The following TESK2 variants were observed in gnomAD, a reference collection of about 807,000 sequenced individuals.
TESK2 encodes the protein testis associated actin remodelling kinase 2.
In TESK2, 39 loss-of-function variants were observed where a neutral mutation model predicts 57.1. That is an observed-to-expected ratio of 0.68 (90% CI 0.53 to 0.89). The LOEUF is 0.89. Ranked by LOEUF, TESK2 falls within the 40% of genes least tolerant of loss-of-function variation. The pLI, the probability that TESK2 is intolerant of heterozygous loss-of-function variation, is 0.00. For missense variants in TESK2, 646 were observed against 732.1 expected (o/e 0.88, Z 1.36); for synonymous variants, 249 against 267.9 (o/e 0.93, Z 0.69).
At chr1:45,488,368 T>A (rs1653571683) in intron 1 of TESK2, among the ~76,000 whole-genome samples, 1 of 152,222 alleles carries the variant, frequency 6.6e-6, no homozygotes, top group African/African-American at 2.4e-5. Flanking sequence ...TAAGGCCATC[T>A]GTTAAACTCC....
intron 3 of TESK2, among the ~76,000 whole-genome samples, chr1:45,404,591 T>G (rs1348296345): frequency 6.6e-6 from 1 of 151,440 alleles, no homozygotes; most frequent in Non-Finnish European, 1.5e-5. Flanking sequence ...TCACCCAGGC[T>G]GGATTGCAGT....
chr1:45,467,315 A>T (rs1212772988), intron 1 of TESK2, among the ~76,000 whole-genome samples: 1 of 151,994 alleles, frequency 6.6e-6, no homozygotes, highest in East Asian at 1.9e-4. Flanking sequence ...TCTGCATTTA[A>T]ATTTTTTTAA....
intron 4 of TESK2, among the ~76,000 whole-genome samples, chr1:45,361,821 T>C (rs892301984): frequency 6.6e-6 from 1 of 152,186 alleles, no homozygotes; most frequent in Non-Finnish European, 1.5e-5. Context: ...CTCCCCCTAC[T>C]GCCACTTCCA....
In TESK2 at chr1:45,347,676, A is replaced by C. The variant is rs976240379; in HGVS notation, c.641T>G (p.Leu214Arg). The C allele has an allele frequency of 7.4e-6, 12 of 1,614,194 alleles. No homozygotes were observed. The highest frequency in any genetic ancestry group is 9.3e-6 in the Non-Finnish European group (11 of 1,180,020). Residue 214 changes from leucine (L) to arginine (R), a missense_variant, in exon 7 of 11, where the codon CTG becomes CGG. Physicochemically the swap from Leu to Arg is moderately radical, Grantham distance 102 (BLOSUM62 -2). Transcript: ENST00000372086. ...IPDVSMGSEKLAVVGSPFWMA... is the reference protein window; with the variant it reads ...IPDVSMGSEKRAVVGSPFWMA... ...CCAGAATGGGGAACCCACCACGGCC[A>C]GCTTCTCACTCCCCATGCTGTGGGG...
chr1:45,348,078 C>T, intron 5 of TESK2, 78 bp from the exon 6 acceptor site: 2 of 975,290 alleles, frequency 2.1e-6, no homozygotes, highest in Non-Finnish European at 3.3e-6. Flanking sequence ...CCCATTCCCC[C>T]CTTCCTATCA....
chr1:45,359,590 G>A (rs1335458213), intron 4 of TESK2, among the ~76,000 whole-genome samples: 3 of 151,226 alleles, frequency 2.0e-5, no homozygotes, highest in African/African-American at 4.9e-5. Context: ...TTGGCCAGGC[G>A]AGATGGCTCA....
At chr1:45,377,347 C>T (rs958715499) in intron 4 of TESK2, among the ~76,000 whole-genome samples, 3 of 150,094 alleles carry the variant, frequency 2.0e-5, no homozygotes, top group Non-Finnish European at 3.0e-5. Context: ...GACGGCGGAC[C>T]GATTAAATTC....
At chr1:45,430,484 C>A (rs1263821383) in intron 2 of TESK2, among the ~76,000 whole-genome samples, 1 of 152,128 alleles carries the variant, frequency 6.6e-6, no homozygotes, top group East Asian at 1.9e-4. Flanking sequence ...CAGTGAGACC[C>A]TATCTAAAAC....
At chr1:45,460,991 T>C (rs1652308410) in intron 1 of TESK2, among the ~76,000 whole-genome samples, 1 of 152,106 alleles carries the variant, frequency 6.6e-6, no homozygotes, top group Admixed American at 6.6e-5. Context: ...TCAAACTACC[T>C]GAGGAGCTTG....
chr1:45,489,042 T>C (rs577988064), intron 1 of TESK2, among the ~76,000 whole-genome samples: 12 of 151,742 alleles, frequency 7.9e-5, no homozygotes, highest in Non-Finnish European at 1.3e-4. Context: ...CTCCTGCCTG[T>C]GATCCCAGCT....
chr1:45,355,586 A>G lies in TESK2; in HGVS notation c.394-137T>C, dbSNP rs1647386436. 5 of 903,624 alleles carry G rather than the reference A, an allele frequency of 5.5e-6. No individual in the cohort carries two copies. The East Asian group carries it at 1.3e-4, about 24-fold the overall frequency. 56.0% of individuals were successfully genotyped at this position (903,624 alleles called of 1,614,324 possible). On this transcript the variant is annotated intron_variant, in intron 4 of 10. Coordinates refer to ENST00000372086, the MANE Select transcript of TESK2 (RefSeq NM_007170.3). ...TTACTGAGGGCTTATTCTGCCTCCA[A>G]GCACTATGGTAGGTGCTGCACACAA... is the stretch of plus-strand genomic sequence containing the variant.
chr1:45,475,135 C>T (rs1433164202), intron 1 of TESK2, among the ~76,000 whole-genome samples: 2 of 146,088 alleles, frequency 1.4e-5, no homozygotes, highest in African/African-American at 5.0e-5. Context: ...AGGGCTATTT[C>T]AGAATTTCAG....
intron 4 of TESK2, among the ~76,000 whole-genome samples, chr1:45,373,870 A>G (rs1055520292): frequency 2.6e-5 from 4 of 152,232 alleles, no homozygotes; most frequent in African/African-American, 9.6e-5. Context: ...CCATGGTCCT[A>G]CTTGCTACAG....
At chr1:45,370,993 G>A (rs2149269999) in intron 4 of TESK2, among the ~76,000 whole-genome samples, 1 of 152,086 alleles carries the variant, frequency 6.6e-6, no homozygotes, top group South Asian at 2.1e-4. Flanking sequence ...CCTATCAACT[G>A]GGAAAGGACA....
At chr1:45,346,609 T>C (rs972948287) in intron 9 of TESK2, 84 bp downstream of exon 9, 48 of 1,177,908 alleles carry the variant, frequency 4.1e-5, no homozygotes, top group Non-Finnish European at 5.8e-5. Flanking sequence ...ATGAAGCTAA[T>C]TAGCAGCCTC....
At chr1:45,481,042 A>G (rs1201550430) in intron 1 of TESK2, among the ~76,000 whole-genome samples, 1 of 151,462 alleles carries the variant, frequency 6.6e-6, no homozygotes, top group Non-Finnish European at 1.5e-5. Flanking sequence ...CTCTCTATGT[A>G]CTGATCTGGA....
intron 2 of TESK2, among the ~76,000 whole-genome samples, chr1:45,427,416 C>T (rs1650745075): frequency 6.6e-6 from 1 of 152,036 alleles, no homozygotes; most frequent in Non-Finnish European, 1.5e-5. Flanking sequence ...TGGGTATATA[C>T]CAAAAGAAGG....
chr1:45,418,752 C>CATTTTTATA (rs1381152436), intron 3 of TESK2, among the ~76,000 whole-genome samples: 77 of 152,206 alleles, frequency 5.1e-4, no homozygotes, highest in African/African-American at 1.7e-3. Flanking sequence ...AAAAGCTTTG[C>CATTTTTATA]ATTTTTATAT....
intron 3 of TESK2, among the ~76,000 whole-genome samples, chr1:45,399,993 A>G (rs1295448481): frequency 6.6e-6 from 1 of 152,238 alleles, no homozygotes; most frequent in Admixed American, 6.5e-5. Context: ...TAGGCAGACT[A>G]ATGGCCCCCC....
Sources: allele counts gnomAD v4.1 joint callset (sites outside exome capture counted in the v4.1 genomes callset), GRCh38; gene constraint gnomAD v4.1.1; transcripts MANE v1.5; gene names NCBI Gene and HGNC (gene_info 2026-07-23, HGNC 2026-07-21).